The following RGS6 variants were observed in gnomAD, a reference collection of about 807,000 sequenced individuals.
The protein encoded by RGS6 is regulator of G-protein signaling 6.
A neutral mutation model predicts 78.5 loss-of-function variants in RGS6; 30 were observed. That is an observed-to-expected ratio of 0.38 (90% confidence interval 0.29 to 0.52). The LOEUF (loss-of-function observed/expected upper bound fraction) is 0.52. Among genes scored for constraint, RGS6 ranks in the 20% least tolerant of loss-of-function variants. The pLI, the probability that RGS6 is intolerant of heterozygous loss-of-function variation, is 0.85. For synonymous variants in RGS6, 206 were observed against 206.0 expected (o/e 1.00, Z 0.00); for missense variants, 495 against 609.7 (o/e 0.81, Z 1.98).
the RGS6 span, among the ~76,000 whole-genome samples, chr14:71,895,710 CA>C: frequency 1.3e-5 from 2 of 152,122 alleles, no homozygotes; most frequent in African/African-American, 4.8e-5. Context: ...GGATACTAAC[CA>C]GGTGTAGTGC....
rs569412074 is a variant in RGS6 at position 72,398,547 on chromosome 14, T to C, written c.184+46353T>C. On this transcript the variant is annotated intron_variant, in intron 3 of 17. Transcript: ENST00000553525. ...TTTGAAGAGTTTTTTGTGTCTCTAT[T>C]TCCTTCAGTTCTGTTCTGATCTTAG... Among the ~76,000 whole-genome samples the C allele has an allele frequency of 7.9e-5, 12 of 152,322 alleles. No homozygotes were observed. In the East Asian group the frequency reaches 2.1e-3, roughly 27 times the overall value.
At chr14:72,226,775 T>C (rs1427923445) in intron 2 of RGS6, among the ~76,000 whole-genome samples, 2 of 152,198 alleles carry the variant, frequency 1.3e-5, no homozygotes, top group Non-Finnish European at 2.9e-5. Flanking sequence ...CAATCTTGGC[T>C]CACTGCAACC....
chr14:71,985,732 G>A (rs186192737), intron 2 of RGS6, among the ~76,000 whole-genome samples: 25 of 152,098 alleles, frequency 1.6e-4, no homozygotes, highest in African/African-American at 5.8e-4. Context: ...TGTCTGCTTG[G>A]CTTTGCAACA....
chr14:72,550,163 C>T (rs1470028799), intron 17 of RGS6, among the ~76,000 whole-genome samples: 1 of 152,130 alleles, frequency 6.6e-6, no homozygotes, highest in Non-Finnish European at 1.5e-5. Flanking sequence ...TCTTTGAGGC[C>T]TCTCATTAAA....
chr14:72,195,158 A>C (rs1329638590), intron 2 of RGS6, among the ~76,000 whole-genome samples: 1 of 152,110 alleles, frequency 6.6e-6, no homozygotes, highest in Non-Finnish European at 1.5e-5. Context: ...CAGTGAGCCG[A>C]GATCGCACCA....
chr14:72,399,834 G>T (rs1461932437), intron 3 of RGS6, among the ~76,000 whole-genome samples: 6 of 152,070 alleles, frequency 3.9e-5, no homozygotes, highest in Non-Finnish European at 1.5e-5. Context: ...GAGAAGTTTA[G>T]AGAAAAAAGA....
chr14:72,536,159 GTGTCTCCT>G lies in RGS6; in HGVS notation c.1279-22_1279-15del. On this transcript the variant is annotated intron_variant, in intron 15 of 17. Transcript: ENST00000553525. ...TAGCACTGGTTGACAGCCCTTCCTT[GTGTCTCCT>G]TGTCACCTTCCTCCCCAGGAGCACA... 1 of 1,555,906 alleles carries G rather than the reference GTGTCTCCT, an allele frequency of 6.4e-7. No individual in the cohort carries two copies. Among genetic ancestry groups the G allele is most frequent in the East Asian group, 2.2e-5 (1 of 44,522 alleles).
chr14:72,440,115 CT>C (rs1399522317), intron 3 of RGS6, among the ~76,000 whole-genome samples: 1 of 152,208 alleles, frequency 6.6e-6, no homozygotes, highest in Non-Finnish European at 1.5e-5. Flanking sequence ...AGCACTTGCG[CT>C]TTGCTTTCTT....
chr14:72,158,681 A>G (rs745453166), intron 2 of RGS6, among the ~76,000 whole-genome samples: 17 of 152,210 alleles, frequency 1.1e-4, no homozygotes, highest in Non-Finnish European at 1.9e-4. Context: ...TTCCGTAAAC[A>G]TGCACTCTTT....
chr14:72,510,074 A>T (rs1272691989), intron 13 of RGS6, 80 bp from the exon 14 acceptor site: 1 of 1,463,494 alleles, frequency 6.8e-7, no homozygotes, highest in African/African-American at 1.4e-5. Context: ...TGCAAAACAG[A>T]CTTGAGTCAC....
chr14:72,473,302 G>T (rs1366793874), intron 9 of RGS6, among the ~76,000 whole-genome samples: 1 of 152,180 alleles, frequency 6.6e-6, no homozygotes. Flanking sequence ...AAATTAGCCG[G>T]GCGTGGTGGC....
At chr14:72,209,538 G>A (rs2043536598) in intron 2 of RGS6, among the ~76,000 whole-genome samples, 1 of 152,124 alleles carries the variant, frequency 6.6e-6, no homozygotes. Context: ...ATTAGCTGGG[G>A]GATGTGACAC....
chr14:72,363,999 T>TAAAAAAAAAAAAAAAAAAAAAAAAAAA (rs55943058), intron 3 of RGS6, among the ~76,000 whole-genome samples: 1 of 46,756 alleles, frequency 2.1e-5, no homozygotes, highest in African/African-American at 6.6e-5. Flanking sequence ...TGGACAAGGC[T>TAAAAAAAAAAAAAAAAAAAAAAAAAAA]AAAAAAAAAA....
the RGS6 span, among the ~76,000 whole-genome samples, chr14:72,626,568 TCAA>T: frequency 1.3e-5 from 2 of 152,172 alleles, no homozygotes; most frequent in African/African-American, 4.8e-5. Context: ...CATTGTTTAT[TCAA>T]CAACTACTCT....
chr14:72,617,066 T>C, the RGS6 span, among the ~76,000 whole-genome samples: 3 of 152,184 alleles, frequency 2.0e-5, no homozygotes, highest in Non-Finnish European at 4.4e-5. Context: ...TCCAGTGCCC[T>C]GCCTTGGCCT....
intron 2 of RGS6, among the ~76,000 whole-genome samples, chr14:72,082,449 G>A (rs1214524792): frequency 1.3e-5 from 2 of 151,804 alleles, no homozygotes; most frequent in East Asian, 3.9e-4. Context: ...ATTCATTACT[G>A]GTGTATAGAA....
At chr14:72,193,000 C>CTT (rs1361609944) in intron 2 of RGS6, among the ~76,000 whole-genome samples, 2 of 126,048 alleles carry the variant, frequency 1.6e-5, no homozygotes, top group Admixed American at 7.9e-5. Context: ...TTTTTTCTTT[C>CTT]TTTTTTTTTT....
chr14:72,425,277 T>G (rs901881269), intron 3 of RGS6, among the ~76,000 whole-genome samples: 1 of 152,122 alleles, frequency 6.6e-6, no homozygotes, highest in Non-Finnish European at 1.5e-5. Context: ...TAGCTGGGAC[T>G]ACAGATACAC....
intron 2 of RGS6, among the ~76,000 whole-genome samples, chr14:72,069,999 C>T (rs946163949): frequency 6.6e-6 from 1 of 152,174 alleles, no homozygotes; most frequent in African/African-American, 2.4e-5. Context: ...CTGAGAGTCT[C>T]TTCATGGCAA....
Sources: allele counts gnomAD v4.1 joint callset (sites outside exome capture counted in the v4.1 genomes callset), GRCh38; gene constraint gnomAD v4.1.1; transcripts MANE v1.5; gene names NCBI Gene and HGNC (gene_info 2026-07-23, HGNC 2026-07-21).